The following GRIK2 variants were observed in gnomAD, a reference collection of about 807,000 sequenced individuals.
GRIK2 encodes glutamate receptor ionotropic, kainate 2.
GRIK2 carries 32 observed loss-of-function variants against 100.3 expected under a neutral mutation model. The ratio of observed to expected loss-of-function variants is 0.32; its 90% CI spans 0.24 to 0.43. The LOEUF (loss-of-function observed/expected upper bound fraction) is 0.43. Among genes scored for constraint, GRIK2 ranks in the 20% least tolerant of loss-of-function variants. The pLI, the probability that GRIK2 is intolerant of heterozygous loss-of-function variation, is 1.00. For missense variants in GRIK2, 843 were observed against 1,114.9 expected (o/e 0.76, Z 3.47); for synonymous variants, 417 against 389.4 (o/e 1.07, Z -0.83).
chr6:101,732,552 C>T (rs2128372063), intron 7 of GRIK2, among the ~76,000 whole-genome samples: 1 of 151,936 alleles, frequency 6.6e-6, no homozygotes, highest in South Asian at 2.1e-4. Context: ...GGAATTTTTC[C>T]CAAGGCAAAA....
chr6:101,866,900 T>TTGTG (rs60775585), intron 11 of GRIK2, among the ~76,000 whole-genome samples: 5 of 149,326 alleles, frequency 3.3e-5, no homozygotes, highest in Admixed American at 6.7e-5. Context: ...CTTAATTTCA[T>TTGTG]TGTGTGTGTG....
At chr6:101,995,663 A>G (rs1485123460) in intron 14 of GRIK2, among the ~76,000 whole-genome samples, 1 of 151,930 alleles carries the variant, frequency 6.6e-6, no homozygotes, top group Non-Finnish European at 1.5e-5. Flanking sequence ...TTTCAATCCT[A>G]GAGTATGTAT....
intron 14 of GRIK2, among the ~76,000 whole-genome samples, chr6:102,002,214 C>A (rs980096922): frequency 6.7e-6 from 1 of 149,564 alleles, no homozygotes; most frequent in Non-Finnish European, 1.5e-5. Flanking sequence ...TATTGGTCTA[C>A]CTTCTATCAC....
At chr6:101,631,742 C>G (rs558617108) in intron 4 of GRIK2, among the ~76,000 whole-genome samples, 4 of 152,158 alleles carry the variant, frequency 2.6e-5, no homozygotes, top group East Asian at 3.9e-4. Context: ...TTTCCTACCC[C>G]CTACCACTTC....
At chr6:101,661,197 G>A (rs934447969) in intron 4 of GRIK2, among the ~76,000 whole-genome samples, 5 of 152,208 alleles carry the variant, frequency 3.3e-5, no homozygotes, top group African/African-American at 1.2e-4. Context: ...CTAGAGGGGC[G>A]ATCTGGCCAC....
In GRIK2 at chr6:101,783,647, C is replaced by T. The variant is rs557879798; in HGVS notation, c.952-16001C>T. 2.0e-5 allele frequency among the ~76,000 whole-genome samples: 3 copies of T among 152,210 alleles called. No homozygotes were observed. The South Asian group carries it at 6.2e-4, about 32-fold the overall frequency. ...GAAAGTGGGGAAAAGTTTGGAACTT[C>T]CTAGAGACTTGTTGAATGGCTTTGA... On this transcript the variant is annotated intron_variant, in intron 7 of 16. Transcript: ENST00000369134.
chr6:101,468,518 T>C lies in GRIK2; in HGVS notation c.115+69126T>C, dbSNP rs548084255. Among the ~76,000 whole-genome samples the C allele has an allele frequency of 6.6e-5, 10 of 152,188 alleles. No homozygotes were observed. The South Asian group carries it at 2.1e-3, about 32-fold the overall frequency. On this transcript the variant is annotated intron_variant, in intron 2 of 16. Transcript: ENST00000369134. ...AATGGAAATTCCAGGCAGATTTTAG[T>C]TAGGTTAAAAAAAAAAAGTTGAAAA...
At chr6:101,931,677 C>T (rs1164695072) in intron 14 of GRIK2, among the ~76,000 whole-genome samples, 1 of 151,684 alleles carries the variant, frequency 6.6e-6, no homozygotes. Flanking sequence ...TTTTCTATAT[C>T]CATTACACAC....
intron 4 of GRIK2, among the ~76,000 whole-genome samples, chr6:101,639,793 G>A (rs1480546847): frequency 1.3e-5 from 2 of 152,222 alleles, no homozygotes; most frequent in East Asian, 1.9e-4. Context: ...TTCTAGACAG[G>A]CTAATTGTCC....
rs1158932733 is a variant in GRIK2 at position 101,450,480 on chromosome 6, C to T, written c.115+51088C>T. On this transcript the variant is annotated intron_variant, in intron 2 of 16. Transcript: ENST00000369134. The stretch of plus-strand genomic sequence containing the variant: ...AAATTTGGAAGTCTCAAGACCTCCT[C>T]AAGGATGTGATTCTGTACCAGGGAC... Among the ~76,000 whole-genome samples, 3 of 151,636 alleles carry T rather than the reference C, an allele frequency of 2.0e-5. No individual in the cohort carries two copies. The East Asian group carries it at 5.8e-4, about 29-fold the overall frequency.
chr6:101,750,610 A>G (rs1562356251), intron 7 of GRIK2, among the ~76,000 whole-genome samples: 1 of 152,226 alleles, frequency 6.6e-6, no homozygotes, highest in South Asian at 2.1e-4. Context: ...AACAAGACTT[A>G]TCAATATCTC....
intron 7 of GRIK2, among the ~76,000 whole-genome samples, chr6:101,795,069 G>T (rs1780199599): frequency 6.6e-6 from 1 of 151,960 alleles, no homozygotes; most frequent in Admixed American, 6.6e-5. Context: ...GTTTCATCAT[G>T]TTGTTTAGGC....
chr6:101,921,838 A>G (rs1789540940), intron 12 of GRIK2, among the ~76,000 whole-genome samples: 1 of 152,060 alleles, frequency 6.6e-6, no homozygotes, highest in Non-Finnish European at 1.5e-5. Flanking sequence ...CAAATTGGAA[A>G]TTCATATTGG....
At chr6:101,513,508 C>T (rs915825294) in intron 2 of GRIK2, among the ~76,000 whole-genome samples, 2 of 152,066 alleles carry the variant, frequency 1.3e-5, no homozygotes, top group Admixed American at 6.6e-5. Context: ...AATTTTTCCC[C>T]ACAAAGAACA....
intron 11 of GRIK2, among the ~76,000 whole-genome samples, chr6:101,888,835 A>C (rs966195286): frequency 2.0e-5 from 3 of 152,178 alleles, no homozygotes; most frequent in African/African-American, 7.2e-5. Flanking sequence ...ATAGCTTCTC[A>C]TCACAGATGC....
intron 11 of GRIK2, among the ~76,000 whole-genome samples, chr6:101,862,465 G>T (rs533261403): frequency 6.6e-6 from 1 of 152,196 alleles, no homozygotes; most frequent in Admixed American, 6.5e-5. Flanking sequence ...GAATCTTTCT[G>T]TGACTTAGAC....
intron 11 of GRIK2, among the ~76,000 whole-genome samples, chr6:101,863,754 C>T (rs1458168713): frequency 1.3e-5 from 2 of 152,204 alleles, no homozygotes; most frequent in East Asian, 3.9e-4. Flanking sequence ...CTCTTACTCT[C>T]CTGTGTAGCT....
At chr6:101,578,075 G>A (rs1187092185) in intron 2 of GRIK2, among the ~76,000 whole-genome samples, 4 of 152,152 alleles carry the variant, frequency 2.6e-5, no homozygotes, top group Non-Finnish European at 4.4e-5. Flanking sequence ...TGAGACTTGC[G>A]TCTTGATCCA....
intron 11 of GRIK2, among the ~76,000 whole-genome samples, chr6:101,882,556 A>G (rs1217943025): frequency 6.6e-6 from 1 of 151,862 alleles, no homozygotes; most frequent in Non-Finnish European, 1.5e-5. Context: ...AGCTAAATCT[A>G]TTACTTTTTT....
Sources: gnomAD v4.1 joint callset for allele counts (sites outside exome capture counted in the v4.1 genomes callset) on GRCh38, gnomAD v4.1.1 for gene constraint, MANE v1.5 for transcripts, NCBI Gene and HGNC (gene_info 2026-07-23, HGNC 2026-07-21) for gene names.